Variants in DRAM1 observed in about 807,000 individuals in gnomAD.
DRAM1 encodes DNA damage-regulated autophagy modulator protein 1.
Under a neutral mutation model 28.5 loss-of-function variants are expected in DRAM1, and 25 were observed. The ratio of observed to expected loss-of-function variants is 0.88; its 90% CI spans 0.64 to 1.23. The LOEUF is 1.23. Ranked by LOEUF, DRAM1 falls within the 50% of genes most tolerant of loss-of-function variation. The probability of loss-of-function intolerance (pLI) is 0.00; values close to 1 mark genes in which losing one functional copy is unlikely to be tolerated. For missense variants in DRAM1, 249 were observed against 299.2 expected (o/e 0.83, Z 1.24); for synonymous variants, 113 against 114.2 (o/e 0.99, Z 0.07).
At chr12:101,879,204 G>C (rs1327358058) in intron 1 of DRAM1, among the ~76,000 whole-genome samples, 1 of 151,970 alleles carries the variant, frequency 6.6e-6, no homozygotes, top group Non-Finnish European at 1.5e-5. Flanking sequence ...CACTATGTTG[G>C]TCAGGCTGGT....
At chr12:101,895,566 A>ATTTTTGGTTTTTTTTTTTTT (rs61325494) in intron 1 of DRAM1, among the ~76,000 whole-genome samples, 2 of 103,422 alleles carry the variant, frequency 1.9e-5, no homozygotes, top group Non-Finnish European at 3.6e-5. Context: ...AAGGGAGGCT[A>ATTTTTGGTTTTTTTTTTTTT]TTTTTTTTTT....
At chr12:101,891,473 C>T (rs896468533) in intron 1 of DRAM1, among the ~76,000 whole-genome samples, 26 of 152,150 alleles carry the variant, frequency 1.7e-4, no homozygotes, top group African/African-American at 6.0e-4. Flanking sequence ...TTCTTTGTAT[C>T]GTTTTCATTC....
rs1207396416 is a variant in DRAM1 at position 101,882,313 on chromosome 12, TGTTA to T, written c.131+4396_131+4399del. ...TTTTAGTAGAGACGGGGTTTCACCA[TGTTA>T]GTCAGGATGGTCTCGATCTCCTGAC... On this transcript the variant is annotated intron_variant, in intron 1 of 6. Coordinates refer to ENST00000258534, the MANE Select transcript of DRAM1 (RefSeq NM_018370.3). Among the ~76,000 whole-genome samples the T allele has an allele frequency of 8.6e-5, 13 of 150,832 alleles. 3 individuals carry two copies. The East Asian group carries it at 2.8e-3, about 32-fold the overall frequency.
At chr12:101,908,126 T>C in intron 3 of DRAM1, 60 bp from the exon 4 acceptor site, 1 of 1,454,860 alleles carries the variant, frequency 6.9e-7, no homozygotes. Context: ...GTGAGAGTGC[T>C]TGCGGTTCGA....
At chr12:101,905,841 G>A (rs1873785987) in intron 3 of DRAM1, among the ~76,000 whole-genome samples, 1 of 151,888 alleles carries the variant, frequency 6.6e-6, no homozygotes, top group Non-Finnish European at 1.5e-5. Context: ...ACTGTATGTA[G>A]TTCAGTGGCA....
chr12:101,905,787 G>T (rs10860817), intron 3 of DRAM1, among the ~76,000 whole-genome samples: 59,352 of 133,296 alleles, frequency 0.45, 12,464 homozygotes, highest in African/African-American at 0.61. Context: ...ATTTATTTAT[G>T]TATTTATTTA....
intron 5 of DRAM1, among the ~76,000 whole-genome samples, chr12:101,918,948 G>A (rs1874361842): frequency 2.0e-5 from 3 of 151,928 alleles, no homozygotes; most frequent in African/African-American, 7.3e-5. Context: ...TTGAGACAGA[G>A]TCTTGCTCTG....
At chr12:101,911,527 G>C (rs562259026) in intron 4 of DRAM1, among the ~76,000 whole-genome samples, 1 of 152,242 alleles carries the variant, frequency 6.6e-6, no homozygotes, top group East Asian at 1.9e-4. Flanking sequence ...TCTCCCTCAG[G>C]CTTGGTTGTT....
Position 101,921,575 on chromosome 12 carries a change from G to A in DRAM1, c.*315G>A, listed in dbSNP as rs558072381. ...CTCTTATTTTTGTACAGATTCTGTC[G>A]TTTTTGTTTTATTTGTGTGAGATTT... On this transcript the variant is annotated 3_prime_UTR_variant, in exon 7 of 7. Coordinates refer to ENST00000258534, the MANE Select transcript of DRAM1 (RefSeq NM_018370.3). 57 of 203,236 alleles carry A rather than the reference G, an allele frequency of 2.8e-4. No homozygotes were observed. Among genetic ancestry groups the A allele is most frequent in the African/African-American group, 5.9e-4 (24 of 40,472 alleles). The allele number at this position is 203,236 out of a possible 1,614,324, so 12.6% of individuals were successfully genotyped here.
chr12:101,881,369 GT>G (rs200367743), intron 1 of DRAM1, among the ~76,000 whole-genome samples: 131 of 151,684 alleles, frequency 8.6e-4, no homozygotes, highest in African/African-American at 3.0e-3. Flanking sequence ...TTTTTGTTGT[GT>G]TTTTTTTGGA....
chr12:101,891,106 C>T (rs1873112186), intron 1 of DRAM1, among the ~76,000 whole-genome samples: 2 of 152,118 alleles, frequency 1.3e-5, no homozygotes, highest in South Asian at 2.1e-4. Flanking sequence ...AGTTAGCTCT[C>T]GTAACTAAAA....
chr12:101,916,425 A>G (rs1215138745), intron 5 of DRAM1, among the ~76,000 whole-genome samples: 1 of 152,150 alleles, frequency 6.6e-6, no homozygotes, highest in Non-Finnish European at 1.5e-5. Context: ...GATCACTTGC[A>G]CTCCGGTGGG....
At chr12:101,900,370 A>G (rs1439413595) in intron 2 of DRAM1, among the ~76,000 whole-genome samples, 2 of 152,232 alleles carry the variant, frequency 1.3e-5, no homozygotes, top group Non-Finnish European at 1.5e-5. Flanking sequence ...AAACTTTCAA[A>G]TGATGTAAGA....
chr12:101,879,432 T>G (rs1401766630), intron 1 of DRAM1, among the ~76,000 whole-genome samples: 1 of 152,216 alleles, frequency 6.6e-6, no homozygotes, highest in African/African-American at 2.4e-5. Context: ...TTCGGTTTTT[T>G]CCATTTATTG....
intron 1 of DRAM1, among the ~76,000 whole-genome samples, chr12:101,884,239 A>T (rs1872796364): frequency 1.3e-5 from 2 of 150,624 alleles, no homozygotes; most frequent in Admixed American, 6.6e-5. Context: ...CATACAAAAA[A>T]TTAGCTGAGC....
intron 1 of DRAM1, among the ~76,000 whole-genome samples, chr12:101,880,582 C>T (rs1190793080): frequency 2.0e-5 from 3 of 152,182 alleles, no homozygotes; most frequent in Non-Finnish European, 4.4e-5. Flanking sequence ...AGCCACCACA[C>T]CCAGCCTGCA....
chr12:101,906,869 A>G (rs1444175781), intron 3 of DRAM1, among the ~76,000 whole-genome samples: 16 of 148,006 alleles, frequency 1.1e-4, no homozygotes, highest in South Asian at 8.4e-4. Context: ...AAAAAAAAAA[A>G]AAAAGAAAAG....
chr12:101,882,804 C>G (rs1163227935), intron 1 of DRAM1, among the ~76,000 whole-genome samples: 1 of 148,236 alleles, frequency 6.7e-6, no homozygotes, highest in Admixed American at 6.7e-5. Flanking sequence ...GACAGATACA[C>G]ACACACCCCC....
At chr12:101,894,090 C>A (rs1594297345) in intron 1 of DRAM1, among the ~76,000 whole-genome samples, 1 of 151,930 alleles carries the variant, frequency 6.6e-6, no homozygotes, top group Non-Finnish European at 1.5e-5. Flanking sequence ...GCCGCCATGC[C>A]TGGCTTTTTG....
Sources: gnomAD v4.1 joint callset for allele counts (sites outside exome capture counted in the v4.1 genomes callset) on GRCh38, gnomAD v4.1.1 for gene constraint, MANE v1.5 for transcripts, NCBI Gene and HGNC (gene_info 2026-07-23, HGNC 2026-07-21) for gene names.